The following PCNX2 variants were observed in gnomAD, a reference collection of about 807,000 sequenced individuals.
PCNX2 encodes pecanex-like protein 2.
A neutral mutation model predicts 223.8 loss-of-function variants in PCNX2; 168 were observed. The observed-to-expected ratio is 0.75, with a 90% confidence interval of 0.66 to 0.85. The LOEUF (loss-of-function observed/expected upper bound fraction) is 0.85. Ranked by LOEUF, PCNX2 falls within the 40% of genes least tolerant of loss-of-function variation. The probability of loss-of-function intolerance (pLI) is 0.00; values close to 1 mark genes in which losing one functional copy is unlikely to be tolerated. For missense variants in PCNX2, 2,507 were observed against 2,675.5 expected, an observed-to-expected ratio of 0.94 and a Z score of 1.39; for synonymous variants, 1,006 against 1,052.6, an observed-to-expected ratio of 0.96 and a Z score of 0.86.
Position 233,252,627 on chromosome 1 carries a change from T to A in PCNX2, c.1982+14A>T. On this transcript the variant is annotated intron_variant, in intron 6 of 33. Transcript: ENST00000258229. Reference sequence around the variant, plus strand: ...TATGACCAAGTGAAACTAAATTAAGTAACTTATCCTTACAAGGCTGTGGTC... The same window carrying A: ...TATGACCAAGTGAAACTAAATTAAGAAACTTATCCTTACAAGGCTGTGGTC... The A allele has an allele frequency of 6.2e-7, 1 of 1,603,128 alleles. No homozygotes were observed. The highest frequency in any genetic ancestry group is 1.3e-5 in the African/African-American group (1 of 74,432).
rs141963993 is a variant in PCNX2, at chr1:233,034,072, C to T, written c.4352-8673G>A. ...ACTAAAAATACAAAAATTAGCCGGG[C>T]GTGGTGGCGTGCACCTGTAGTATCA... is the stretch of plus-strand genomic sequence containing the variant. On this transcript the variant is annotated intron_variant, in intron 25 of 33. Coordinates refer to ENST00000258229, the MANE Select transcript of PCNX2 (RefSeq NM_014801.4). Among the ~76,000 whole-genome samples the T allele has an allele frequency of 5.7e-3, 871 of 152,022 alleles. 9 individuals are homozygous for T. Among genetic ancestry groups the T allele is most frequent in the Middle Eastern group, 0.034 (10 of 294 alleles).
intron 1 of PCNX2, among the ~76,000 whole-genome samples, chr1:233,294,571 T>A (rs1661955936): frequency 6.6e-6 from 1 of 152,218 alleles, no homozygotes; most frequent in South Asian, 2.1e-4. Context: ...AAAATTAGAT[T>A]CTTGGCACGT....
upstream of PCNX2, among the ~76,000 whole-genome samples, chr1:233,295,998 C>CTTAT (rs1662096873): frequency 1.0e-5 from 1 of 96,884 alleles, no homozygotes; most frequent in African/African-American, 3.8e-5. This position sits in a 1 kb window ranked among gnomAD's most constrained non-coding sequence, Gnocchi z 4.1. Context: ...TTCTTTCTTT[C>CTTAT]TTTCTTTTTT....
At position 233,156,281 on chromosome 1, in the gene PCNX2, G is replaced by A. The variant is rs75115695; in HGVS notation, c.3517+4002C>T. Reference sequence around the variant, plus strand: ...TCTGAATTTTATACCAAAATTATTCGTTATCTCCACATTCTACCAAGTAGA... The same window carrying A: ...TCTGAATTTTATACCAAAATTATTCATTATCTCCACATTCTACCAAGTAGA... On this transcript the variant is annotated intron_variant, in intron 19 of 33. Transcript: ENST00000258229. Among the ~76,000 whole-genome samples the A allele has an allele frequency of 2.7e-3, 412 of 152,166 alleles. 2 individuals are homozygous for A. Among genetic ancestry groups the A allele is most frequent in the African/African-American group, 9.5e-3 (396 of 41,498 alleles).
rs960788013 is a variant in PCNX2, at chr1:233,289,417, G to C, written c.153+5909C>G. On this transcript the variant is annotated intron_variant, in intron 1 of 33. Coordinates refer to ENST00000258229, the MANE Select transcript of PCNX2 (RefSeq NM_014801.4). The stretch of plus-strand genomic sequence containing the variant: ...AACTCGTCCGGCTTCTCGCCATTAG[G>C]CTTCACGATCTTGGCGCTCGTACTG... 10 of 1,421,970 alleles carry C rather than the reference G, an allele frequency of 7.0e-6. No homozygotes were observed. In the African/African-American group the frequency reaches 1.4e-4, roughly 20 times the overall value. 88.1% of individuals were successfully genotyped at this position (1,421,970 alleles called of 1,614,324 possible).
At chr1:233,187,472 G>A (rs753956826) in intron 15 of PCNX2, among the ~76,000 whole-genome samples, 2 of 151,992 alleles carry the variant, frequency 1.3e-5, no homozygotes, top group Non-Finnish European at 2.9e-5. Context: ...TCTCCTCTCT[G>A]TATCCCTCAC....
chr1:233,081,192 C>T (rs1214208350), intron 23 of PCNX2, among the ~76,000 whole-genome samples: 2 of 151,854 alleles, frequency 1.3e-5, no homozygotes, highest in Non-Finnish European at 2.9e-5. Flanking sequence ...ATTAAAAATA[C>T]AAAAATTAGC....
At chr1:233,010,392 T>C (rs880559) in intron 28 of PCNX2, among the ~76,000 whole-genome samples, 66,803 of 152,116 alleles carry the variant, frequency 0.44, 16,265 homozygotes, top group African/African-American at 0.65. Flanking sequence ...TCAAATTTGC[T>C]TTAAATTTTC....
At chr1:233,114,339 C>T (rs1558244397) in intron 21 of PCNX2, among the ~76,000 whole-genome samples, 1 of 152,154 alleles carries the variant, frequency 6.6e-6, no homozygotes, top group East Asian at 1.9e-4. Context: ...TCTCCAGTGG[C>T]AGCACATCTG....
At chr1:233,197,674 G>A (rs1044873718) in intron 15 of PCNX2, among the ~76,000 whole-genome samples, 5 of 151,994 alleles carry the variant, frequency 3.3e-5, no homozygotes, top group Admixed American at 3.3e-4. Flanking sequence ...TAGAAGTAAT[G>A]GAGTAATCAA....
chr1:233,252,699 T>C lies in PCNX2; in HGVS notation c.1924A>G (p.Ser642Gly). Residue 642 changes from serine (S) to glycine (G), a missense_variant, in exon 6 of 34, where the codon AGT becomes GGT. Coordinates refer to ENST00000258229, the MANE Select transcript of PCNX2 (RefSeq NM_014801.4). Reference sequence around the variant, plus strand: ...GGGCCGGTGCTAGTATGGTCTTGACTTTGCAAATCTGGTTTTCCTTGCTTA... The same window carrying C: ...GGGCCGGTGCTAGTATGGTCTTGACCTTGCAAATCTGGTTTTCCTTGCTTA... Reference protein sequence around the residue: ...SSKQGKPDLQSQDHTSTGPAC... With the variant: ...SSKQGKPDLQGQDHTSTGPAC... 1 of 1,613,988 alleles carries C rather than the reference T, an allele frequency of 6.2e-7. No individual in the cohort carries two copies. Among genetic ancestry groups the C allele is most frequent in the African/African-American group, 1.3e-5 (1 of 75,062 alleles).
intron 23 of PCNX2, among the ~76,000 whole-genome samples, chr1:233,067,436 A>T (rs1672666027): frequency 6.7e-6 from 1 of 149,772 alleles, no homozygotes; most frequent in South Asian, 2.1e-4. Flanking sequence ...GAATAAATAA[A>T]GAAGAATCAA....
intron 9 of PCNX2, among the ~76,000 whole-genome samples, chr1:233,235,955 A>ATATATAT (rs1553319628): frequency 4.8e-5 from 2 of 41,478 alleles, no homozygotes; most frequent in African/African-American, 1.3e-4. Flanking sequence ...ATCATAAAAA[A>ATATATAT]AAATATATAT....
chr1:233,249,678 C>A (rs753791135), intron 8 of PCNX2, among the ~76,000 whole-genome samples: 13 of 152,174 alleles, frequency 8.5e-5, no homozygotes, highest in Non-Finnish European at 1.8e-4. Context: ...TGACTTTGGG[C>A]ACATGCAGTC....
Position 233,139,416 on chromosome 1 carries a change from G to C in PCNX2, c.3659+298C>G, listed in dbSNP as rs1558271965. On this transcript the variant is annotated intron_variant, in intron 20 of 33. Transcript: ENST00000258229. This position sits in a 1 kb window ranked among gnomAD's most constrained non-coding sequence, Gnocchi z 4.4. ...ACTCCAGGAATCCTGGACTCACACT[G>C]TGCTTCCGTCTTCTTATTAAGGCTC... Among the ~76,000 whole-genome samples, 1 of 152,150 alleles carries C rather than the reference G, an allele frequency of 6.6e-6. No individual in the cohort carries two copies. Among genetic ancestry groups the C allele is most frequent in the Non-Finnish European group, 1.5e-5 (1 of 68,026 alleles).
At chr1:233,221,512 G>A (rs1001939687) in intron 10 of PCNX2, among the ~76,000 whole-genome samples, 1 of 152,096 alleles carries the variant, frequency 6.6e-6, no homozygotes, top group Non-Finnish European at 1.5e-5. Context: ...CTCTCCCTCA[G>A]TTTCCTGTTT....
At chr1:233,174,940 G>C (rs1289902197) in intron 17 of PCNX2, among the ~76,000 whole-genome samples, 1 of 152,082 alleles carries the variant, frequency 6.6e-6, no homozygotes, top group Non-Finnish European at 1.5e-5. Flanking sequence ...GCAATCTGTG[G>C]ATCACCTAAA....
Position 233,201,025 on chromosome 1 carries a change from CAAAAAAAA to C in PCNX2, c.2864-769_2864-762del, listed in dbSNP as rs760282445. 3.9e-4 allele frequency among the ~76,000 whole-genome samples: 10 copies of C among 25,684 alleles called. 1 individual carries two copies. The highest frequency in any genetic ancestry group is 7.5e-4 in the Non-Finnish European group (10 of 13,412). 16.8% of individuals were successfully genotyped at this position (25,684 alleles called of 152,430 possible). Reference sequence around the variant, plus strand: ...TGGGCGACAGAGCAAGACTCCGTCTCAAAAAAAAAAAAAAAAAAAAAAAGTTGGTATAC... The same window carrying C: ...TGGGCGACAGAGCAAGACTCCGTCTCAAAAAAAAAAAAAAAGTTGGTATAC... On this transcript the variant is annotated intron_variant, in intron 13 of 33. Coordinates refer to ENST00000258229, the MANE Select transcript of PCNX2 (RefSeq NM_014801.4).
chr1:233,239,417 A>G (rs1572134081), intron 8 of PCNX2, among the ~76,000 whole-genome samples: 1 of 152,322 alleles, frequency 6.6e-6, no homozygotes, highest in East Asian at 1.9e-4. Flanking sequence ...TACATTTCAG[A>G]TTGTAAAATA....
Sources: allele counts gnomAD v4.1 joint callset (sites outside exome capture counted in the v4.1 genomes callset), GRCh38; gene constraint gnomAD v4.1.1; non-coding constraint Gnocchi (gnomAD v3.1); transcripts MANE v1.5; gene names NCBI Gene and HGNC (gene_info 2026-07-23, HGNC 2026-07-21).